Variants in AASDH observed in about 807,000 individuals in gnomAD.
AASDH encodes the protein aminoadipate-semialdehyde dehydrogenase.
Under a neutral mutation model 102.3 loss-of-function variants are expected in AASDH, and 81 were observed. The ratio of observed to expected loss-of-function variants is 0.79; its 90% confidence interval spans 0.66 to 0.95. The LOEUF (loss-of-function observed/expected upper bound fraction) is 0.95, where lower values mean the gene tolerates loss of function less well. Ranked by LOEUF, AASDH falls within the 40% of genes least tolerant of loss-of-function variation. The probability of loss-of-function intolerance (pLI) is 0.00; values close to 1 mark genes in which losing one functional copy is unlikely to be tolerated. For missense variants in AASDH, 1,203 were observed against 1,266.2 expected (o/e 0.95, Z 0.76); for synonymous variants, 398 against 454.0 (o/e 0.88, Z 1.57).
At chr4:56,365,417 T>C (rs1171647780) in intron 5 of AASDH, among the ~76,000 whole-genome samples, 5 of 151,906 alleles carry the variant, frequency 3.3e-5, no homozygotes, top group Non-Finnish European at 7.4e-5. Context: ...AGAATATACA[T>C]TCTTCTCAGC....
chr4:56,362,292 T>G (rs1578011621), intron 5 of AASDH, among the ~76,000 whole-genome samples: 1 of 152,264 alleles, frequency 6.6e-6, no homozygotes, highest in East Asian at 1.9e-4. Flanking sequence ...TTAGACTAAG[T>G]CTCACTCTGT....
At position 56,353,387 on chromosome 4, in the gene AASDH, G is replaced by C. The variant is rs1316400221; in HGVS notation, c.1576+17C>G. ...TATTATTTGGCACTGAAACATATCT[G>C]CTTTAAATTACTTTACCGTGGGATG... On this transcript the variant is annotated intron_variant, in intron 9 of 14. Transcript: ENST00000205214. The C allele has an allele frequency of 1.1e-5, 17 of 1,572,008 alleles. No individual in the cohort carries two copies. Among genetic ancestry groups the C allele is most frequent in the Non-Finnish European group, 1.5e-5 (17 of 1,158,640 alleles).
chr4:56,351,222 A>AT, intron 10 of AASDH, 120 bp downstream of exon 10: 1 of 628,054 alleles, frequency 1.6e-6, no homozygotes, highest in South Asian at 2.1e-5. Flanking sequence ...TATACTACCT[A>AT]ACATCTGGGT....
At chr4:56,357,084 A>G (rs144447977) in intron 5 of AASDH, among the ~76,000 whole-genome samples, 2 of 152,348 alleles carry the variant, frequency 1.3e-5, no homozygotes, top group East Asian at 3.8e-4. Flanking sequence ...TTTTAAGTAT[A>G]CAATTTAATA....
At chr4:56,379,698 G>A (rs754744246) in intron 3 of AASDH, among the ~76,000 whole-genome samples, 2 of 152,192 alleles carry the variant, frequency 1.3e-5, no homozygotes, top group Admixed American at 6.5e-5. Context: ...AGAGAATGCC[G>A]AACTCTGCCT....
chr4:56,360,859 T>A (rs546896491), intron 5 of AASDH, among the ~76,000 whole-genome samples: 3 of 152,314 alleles, frequency 2.0e-5, no homozygotes, highest in Admixed American at 2.0e-4. Flanking sequence ...CATAGGTACT[T>A]ATGTCCCAGT....
intron 5 of AASDH, among the ~76,000 whole-genome samples, chr4:56,367,772 A>G (rs1751194930): frequency 6.6e-6 from 1 of 151,474 alleles, no homozygotes; most frequent in African/African-American, 2.4e-5. Context: ...ACCCTAGAAG[A>G]AAACCTAGGC....
intron 4 of AASDH, among the ~76,000 whole-genome samples, chr4:56,372,727 T>G (rs192519621): frequency 6.6e-6 from 1 of 152,262 alleles, no homozygotes; most frequent in South Asian, 2.1e-4. Flanking sequence ...TTCCTCCCCA[T>G]CATAAGGCTC....
In AASDH at chr4:56,386,671, T is replaced by TA. The variant is rs369012219; in HGVS notation, c.-43+690dup. The stretch of plus-strand genomic sequence containing the variant: ...AGCCGGGCGCGGTGGCGGGCGCCTG[T>TA]AGTCCCAGCTACTCGGGAGGCTGAG... On this transcript the variant is annotated intron_variant, in intron 1 of 14. Coordinates refer to ENST00000205214, the MANE Select transcript of AASDH (RefSeq NM_181806.4). 1.9e-4 allele frequency among the ~76,000 whole-genome samples: 29 copies of TA among 149,866 alleles called. 1 individual carries two copies. The highest frequency in any genetic ancestry group is 6.6e-4 in the African/African-American group (27 of 40,704).
chr4:56,362,723 T>A (rs1308409657), intron 5 of AASDH, among the ~76,000 whole-genome samples: 3 of 152,146 alleles, frequency 2.0e-5, no homozygotes, highest in Non-Finnish European at 2.9e-5. Flanking sequence ...TGAAAGAAAC[T>A]GGACTTAGGA....
intron 5 of AASDH, among the ~76,000 whole-genome samples, chr4:56,364,936 G>A (rs1306010247): frequency 2.6e-5 from 4 of 152,162 alleles, no homozygotes; most frequent in African/African-American, 9.7e-5. Flanking sequence ...ATTGGATAAA[G>A]AGTCAAGACC....
rs1195456497 is a variant in AASDH, at chr4:56,351,340, A to G, written c.1692+2T>C. 1.3e-6 allele frequency: 2 copies of G among 1,525,336 alleles called. No individual in the cohort carries two copies. Among genetic ancestry groups the G allele is most frequent in the Non-Finnish European group, 1.8e-6 (2 of 1,106,608 alleles). The allele number at this position is 1,525,336 out of a possible 1,614,324, so 94.5% of individuals were successfully genotyped here. ...AATAATTTTATAACTTAAAAATTGTACCTTCCACAAATACTGTAATTTTTC... is the reference window on the plus strand; with the variant it reads ...AATAATTTTATAACTTAAAAATTGTGCCTTCCACAAATACTGTAATTTTTC... On this transcript the variant is annotated splice_donor_variant, in intron 10 of 14. Transcript: ENST00000205214. LOFTEE classifies it high-confidence loss of function.
In AASDH at chr4:56,338,663, C is replaced by G; in HGVS notation, c.3036G>C (p.Trp1012Cys). The G allele has an allele frequency of 1.2e-6, 2 of 1,614,176 alleles. No homozygotes were observed. The highest frequency in any genetic ancestry group is 1.7e-6 in the Non-Finnish European group (2 of 1,180,034). Residue 1012 changes from tryptophan to cysteine, a missense_variant, in exon 15 of 15, where the codon TGG becomes TGC. Trp to Cys is a radical substitution (Grantham distance 215). Transcript: ENST00000205214. Reference protein sequence around the residue: ...YCCNMKGHLQWKFETTSRVYA... With the variant: ...YCCNMKGHLQCKFETTSRVYA... ...AGACCCTTGAAGTAGTTTCAAATTTCCACTGCAGGTGACCTTTCATGTTAC... is the reference window on the plus strand; with the variant it reads ...AGACCCTTGAAGTAGTTTCAAATTTGCACTGCAGGTGACCTTTCATGTTAC...
At chr4:56,368,528 AC>A (rs1356192948) in intron 5 of AASDH, among the ~76,000 whole-genome samples, 11 of 152,118 alleles carry the variant, frequency 7.2e-5, no homozygotes, top group Non-Finnish European at 1.3e-4. Flanking sequence ...ACCATGGAAT[AC>A]TATGCAGCCA....
In AASDH at chr4:56,349,653, C is replaced by T. The variant is rs761284852; in HGVS notation, c.2098G>A (p.Gly700Arg). ...GAAGGACAGGCTGAAGAGCAATGTCCTAACTTTGTTAAAAACCTAGTGGAA... is the reference window on the plus strand; with the variant it reads ...GAAGGACAGGCTGAAGAGCAATGTCTTAACTTTGTTAAAAACCTAGTGGAA... ...LNSTRFLTKL[G>R]HCSSACPSDS... is the part of the protein sequence containing the mutation. Residue 700 changes from glycine (G) to arginine (R), a missense_variant, in exon 11 of 15, where the codon GGA becomes AGA. Transcript: ENST00000205214. The T allele has an allele frequency of 2.5e-6, 4 of 1,614,160 alleles. No individual in the cohort carries two copies. In the South Asian group the frequency reaches 3.3e-5, roughly 13 times the overall value.
At position 56,349,825 on chromosome 4, in the gene AASDH, A is replaced by C; in HGVS notation, c.1926T>G (p.Cys642Trp). ...PDEDVTFRKS[C>W]ATKRKLSDIN... ...TGTCGCTGAGTTTCCTTTTTGTGGCACAACTCTTCCTGAATGTCACATCTT... is the reference window on the plus strand; with the variant it reads ...TGTCGCTGAGTTTCCTTTTTGTGGCCCAACTCTTCCTGAATGTCACATCTT... The change falls in exon 11 of 15, where the codon TGT becomes TGG. Residue 642 changes from cysteine (C) to tryptophan (W), a missense_variant. By Grantham distance (215) the Cys-to-Trp change is radical. Coordinates refer to ENST00000205214, the MANE Select transcript of AASDH (RefSeq NM_181806.4). 6.2e-7 allele frequency: 1 copy of C among 1,614,162 alleles called. No individual in the cohort carries two copies. Among genetic ancestry groups the C allele is most frequent in the South Asian group, 1.1e-5 (1 of 91,076 alleles).
rs763808403 is a variant in AASDH, at chr4:56,349,804, G to A, written c.1947C>T (p.Ser649=). 21 of 1,614,008 alleles carry A rather than the reference G, an allele frequency of 1.3e-5. No individual in the cohort carries two copies. The highest frequency in any genetic ancestry group is 1.6e-4 in the Middle Eastern group (1 of 6,084). Reference sequence around the variant, plus strand: ...CACTGGCTTCCTCTTGATTAATGTCGCTGAGTTTCCTTTTTGTGGCACAAC... The same window carrying A: ...CACTGGCTTCCTCTTGATTAATGTCACTGAGTTTCCTTTTTGTGGCACAAC... ...RKSCATKRKL[S]DINQEEASGT... Residue 649 remains serine, a synonymous_variant, in exon 11 of 15, where the codon AGC becomes AGT. Transcript: ENST00000205214.
chr4:56,338,334 C>CATGATGT lies in AASDH; in HGVS notation c.*61_*67dup. ...TCTTCTTTAATATAAAATAAGTCCA[C>CATGATGT]ATGATGTATAATGGTAAAATATTTT... is the stretch of plus-strand genomic sequence containing the variant. On this transcript the variant is annotated 3_prime_UTR_variant, in exon 15 of 15. Coordinates refer to ENST00000205214, the MANE Select transcript of AASDH (RefSeq NM_181806.4). 6.7e-7 allele frequency: 1 copy of CATGATGT among 1,503,516 alleles called. No individual in the cohort carries two copies. Among genetic ancestry groups the CATGATGT allele is most frequent in the South Asian group, 1.3e-5 (1 of 78,996 alleles). The allele number at this position is 1,503,516 out of a possible 1,614,324, so 93.1% of individuals were successfully genotyped here.
chr4:56,364,320 C>A (rs1750712461), intron 5 of AASDH, among the ~76,000 whole-genome samples: 1 of 151,956 alleles, frequency 6.6e-6, no homozygotes, highest in Non-Finnish European at 1.5e-5. Flanking sequence ...GAGAACTTCC[C>A]CAATCTAGTA....
Sources: allele counts gnomAD v4.1 joint callset (sites outside exome capture counted in the v4.1 genomes callset), GRCh38; gene constraint gnomAD v4.1.1; transcripts MANE v1.5; gene names NCBI Gene and HGNC (gene_info 2026-07-23, HGNC 2026-07-21).